The following KIF27 variants were observed in gnomAD, a reference collection of about 807,000 sequenced individuals.
KIF27 encodes the protein kinesin-like protein KIF27.
KIF27 carries 84 observed loss-of-function variants against 141.8 expected under a neutral mutation model. That is an observed-to-expected ratio of 0.59 (90% confidence interval 0.50 to 0.71). The LOEUF is 0.71. KIF27 is among the 30% of genes least tolerant of loss of function. The pLI is 0.00. For missense variants in KIF27, 1,306 were observed against 1,628.4 expected, an observed-to-expected ratio of 0.80 and a Z score of 3.41; for synonymous variants, 471 against 569.5, an observed-to-expected ratio of 0.83 and a Z score of 2.46.
intron 13 of KIF27, among the ~76,000 whole-genome samples, chr9:83,862,716 T>G (rs1950041816): frequency 6.6e-6 from 1 of 152,162 alleles, no homozygotes; most frequent in South Asian, 2.1e-4. Context: ...GTGAAGAAAG[T>G]CATTGGTAGC....
chr9:83,920,938 C>T (rs1956210667), intron 1 of KIF27, among the ~76,000 whole-genome samples: 1 of 151,872 alleles, frequency 6.6e-6, no homozygotes, highest in Admixed American at 6.6e-5. Flanking sequence ...GGGAAAAAGA[C>T]GCCTGCGATA....
At chr9:83,874,467 A>G (rs1951050774) in intron 11 of KIF27, among the ~76,000 whole-genome samples, 1 of 152,206 alleles carries the variant, frequency 6.6e-6, no homozygotes. Flanking sequence ...GTTAGCTCCA[A>G]ACAGACAGCA....
chr9:83,902,416 C>T (rs1239276776), intron 4 of KIF27, among the ~76,000 whole-genome samples: 2 of 152,128 alleles, frequency 1.3e-5, no homozygotes, highest in African/African-American at 4.8e-5. Flanking sequence ...ACTATTCCCA[C>T]GACATACAAT....
At position 83,837,215 on chromosome 9, in the gene KIF27, G is replaced by A. The variant is rs747561292; in HGVS notation, c.3992C>T (p.Thr1331Ile). The A allele has an allele frequency of 4.0e-5, 64 of 1,613,644 alleles. No individual in the cohort carries two copies. The highest frequency in any genetic ancestry group is 1.7e-4 in the Admixed American group (10 of 60,000). Residue 1331 changes from threonine (T) to isoleucine (I), a missense_variant, in exon 18 of 18, where the codon ACA (threonine) becomes ATA (isoleucine). Transcript: ENST00000297814. ...GGATGACAGTCGACTGTGAGATTTTGTAAACTGATTATCATCTGTTTCTGT... is the reference window on the plus strand; with the variant it reads ...GGATGACAGTCGACTGTGAGATTTTATAAACTGATTATCATCTGTTTCTGT... ...NKTETDDNQF[T>I]KSHSRLSSQI...
At chr9:83,852,985 AG>A (rs1948784019) in intron 15 of KIF27, among the ~76,000 whole-genome samples, 1 of 152,214 alleles carries the variant, frequency 6.6e-6, no homozygotes, top group African/African-American at 2.4e-5. Context: ...TACTTTTCAG[AG>A]AAGACTTATC....
rs1954197066 is a variant in KIF27 at position 83,903,812 on chromosome 9, T to C, written c.706A>G (p.Ile236Val). ...EDGSWYSPRH[I>V]VSKFHFVDLA... ...TCCACAAAGTGGAACTTTGAGACAA[T>C]ATGCCGAGGGGAATACCATGATCCA... The change falls in exon 4 of 18, where the codon ATT (isoleucine) becomes GTT (valine). Residue 236 changes from isoleucine (I) to valine (V), a missense_variant. Transcript: ENST00000297814. The C allele has an allele frequency of 1.2e-6, 2 of 1,614,222 alleles. No homozygotes were observed. Among genetic ancestry groups the C allele is most frequent in the Middle Eastern group, 1.6e-4 (1 of 6,062 alleles).
At chr9:83,902,219 A>G (rs1264153029) in intron 4 of KIF27, among the ~76,000 whole-genome samples, 2 of 152,198 alleles carry the variant, frequency 1.3e-5, no homozygotes, top group East Asian at 1.9e-4. Context: ...AAAAAAGGAA[A>G]TATACTTAAC....
At chr9:83,901,728 C>G (rs1168605741) in intron 4 of KIF27, among the ~76,000 whole-genome samples, 7 of 152,224 alleles carry the variant, frequency 4.6e-5, no homozygotes, top group Admixed American at 2.6e-4. Flanking sequence ...CAAAAATTAG[C>G]TGGGGATGGT....
In KIF27 at chr9:83,848,134, TATATG is replaced by T. The variant is rs1461098324; in HGVS notation, c.3556+1960_3556+1964del. Among the ~76,000 whole-genome samples the T allele has an allele frequency of 7.4e-3, 506 of 68,622 alleles. 174 individuals carry two copies. The highest frequency in any genetic ancestry group is 0.011 in the Middle Eastern group (1 of 88). 45.0% of individuals were successfully genotyped at this position (68,622 alleles called of 152,430 possible). On this transcript the variant is annotated intron_variant, in intron 16 of 17. Coordinates refer to ENST00000297814, the MANE Select transcript of KIF27 (RefSeq NM_017576.4). ...CATATCTGATATATCTGATATCTCA[TATATG>T]ATATATCTGATATATCATATATGAT...
rs1954161179 is a variant in KIF27, at chr9:83,903,561, G to A, written c.957C>T (p.Ser319=). The change falls in exon 4 of 18, where the codon AGC becomes AGT. Residue 319 remains serine, a synonymous_variant. Transcript: ENST00000297814. ...ACTCATCAAAATTCGAGGAGGAGGG[G>A]CTGACACATGTGATCATGACAGTCT... ...SAKTVMITCV[S]PSSSNFDESL... is the part of the protein sequence containing the mutation. The A allele has an allele frequency of 1.2e-6, 2 of 1,614,120 alleles. No homozygotes were observed. Among genetic ancestry groups the A allele is most frequent in the Non-Finnish European group, 8.5e-7 (1 of 1,179,992 alleles).
chr9:83,907,323 T>C (rs1336093397), intron 3 of KIF27, among the ~76,000 whole-genome samples: 1 of 149,030 alleles, frequency 6.7e-6, no homozygotes, highest in East Asian at 1.9e-4. Flanking sequence ...AATAAATAAA[T>C]AAATAAATAA....
In KIF27 at chr9:83,858,316, T is replaced by A. The variant is rs527368963; in HGVS notation, c.3150+840A>T. On this transcript the variant is annotated intron_variant, in intron 14 of 17. Transcript: ENST00000297814. Reference sequence around the variant, plus strand: ...GCTCCTATTTCTTAACTAGCCCCTATAACTTCCTGTCACTTGCTCCAAACT... The same window carrying A: ...GCTCCTATTTCTTAACTAGCCCCTAAAACTTCCTGTCACTTGCTCCAAACT... 1.5e-4 allele frequency: 23 copies of A among 152,346 alleles called. No homozygotes were observed. The South Asian group carries it at 4.8e-3, about 32-fold the overall frequency. 9.4% of individuals were successfully genotyped at this position (152,346 alleles called of 1,614,324 possible).
In KIF27 at chr9:83,853,800, A is replaced by T. The variant is rs295274; in HGVS notation, c.3186T>A (p.Ile1062=). The T allele has an allele frequency of 0.64, 1,039,001 of 1,611,514 alleles. 338,568 individuals carry two copies. The highest frequency in any genetic ancestry group is 0.81 in the African/African-American group (60,512 of 74,942). The change falls in exon 15 of 18, where the codon ATT becomes ATA. Residue 1062 remains isoleucine (I), a synonymous_variant. Coordinates refer to ENST00000297814, the MANE Select transcript of KIF27 (RefSeq NM_017576.4). ...EHVLFQLEEG[I]EALEAAIEYR... is the part of the protein sequence containing the mutation. ...ATTCAATTGCAGCTTCCAAAGCTTC[A>T]ATCCCTTCTTCAAGTTGGAAAAGAA...
rs148578830 is a variant in KIF27, at chr9:83,917,345, T to C, written c.-87-1667A>G. 7.2e-5 allele frequency among the ~76,000 whole-genome samples: 11 copies of C among 152,242 alleles called. No individual in the cohort carries two copies. In the East Asian group the frequency reaches 1.9e-3, roughly 27 times the overall value. ...AGCACAAGATGTAAATGAAAAAACATCTCATGTTTATGAATTGAAAGATAT... is the reference window on the plus strand; with the variant it reads ...AGCACAAGATGTAAATGAAAAAACACCTCATGTTTATGAATTGAAAGATAT... On this transcript the variant is annotated intron_variant, in intron 1 of 17. Transcript: ENST00000297814.
chr9:83,856,199 A>G (rs1382919946), intron 14 of KIF27, among the ~76,000 whole-genome samples: 1 of 152,142 alleles, frequency 6.6e-6, no homozygotes, highest in East Asian at 1.9e-4. Flanking sequence ...GAGGATCTGC[A>G]TTTCTAACAA....
At position 83,883,812 on chromosome 9, in the gene KIF27, C is replaced by T; in HGVS notation, c.2445+1G>A. On this transcript the variant is annotated splice_donor_variant, in intron 10 of 17. Transcript: ENST00000297814. LOFTEE classifies it high-confidence loss of function. ...TTTCTCAATTACATTTTTTAAATTA[C>T]CTGAACTCTCAGCTTTGCAGCATCC... The T allele has an allele frequency of 6.2e-7, 1 of 1,600,896 alleles. No individual in the cohort carries two copies.
In KIF27 at chr9:83,870,499, A is replaced by G. The variant is rs749210041; in HGVS notation, c.2757+20T>C. ...TCAGATTGAAGAGAAACCAGGAAAC[A>G]CTAAATAGAATTGACAAACCTGGAG... is the stretch of plus-strand genomic sequence containing the variant. On this transcript the variant is annotated intron_variant, in intron 12 of 17. Coordinates refer to ENST00000297814, the MANE Select transcript of KIF27 (RefSeq NM_017576.4). 4.2e-5 allele frequency: 68 copies of G among 1,613,220 alleles called. No individual in the cohort carries two copies. The highest frequency in any genetic ancestry group is 1.6e-4 in the Middle Eastern group (1 of 6,078).
intron 2 of KIF27, among the ~76,000 whole-genome samples, chr9:83,909,220 T>A (rs924904428): frequency 3.3e-5 from 5 of 151,212 alleles, no homozygotes; most frequent in African/African-American, 1.2e-4. Flanking sequence ...TACGGCAGGG[T>A]AGGGGGACTA....
intron 11 of KIF27, among the ~76,000 whole-genome samples, chr9:83,873,745 G>A (rs530610876): frequency 1.3e-5 from 2 of 152,108 alleles, no homozygotes; most frequent in Middle Eastern, 3.2e-3. Flanking sequence ...GACTCTCTAC[G>A]TAGTATTTCT....
Sources: allele counts gnomAD v4.1 joint callset (sites outside exome capture counted in the v4.1 genomes callset), GRCh38; gene constraint gnomAD v4.1.1; transcripts MANE v1.5; gene names NCBI Gene and HGNC (gene_info 2026-07-23, HGNC 2026-07-21).